The following RAP1GAP2 variants were observed in gnomAD, a reference collection of about 807,000 sequenced individuals.
The protein encoded by RAP1GAP2 is RAP1 GTPase activating protein 2.
In RAP1GAP2, 27 loss-of-function variants were observed where a neutral mutation model predicts 95.0. The ratio of observed to expected loss-of-function variants is 0.28; its 90% CI spans 0.21 to 0.39. The LOEUF is 0.39. Among genes scored for constraint, RAP1GAP2 ranks in the 10% least tolerant of loss-of-function variants. The pLI is 1.00. For synonymous variants in RAP1GAP2, 373 were observed against 380.9 expected (o/e 0.98, Z 0.24); for missense variants, 771 against 970.0 (o/e 0.79, Z 2.72).
chr17:2,879,725 CA>C (rs397955481), intron 2 of RAP1GAP2, among the ~76,000 whole-genome samples: 77 of 139,498 alleles, frequency 5.5e-4, no homozygotes, highest in East Asian at 4.4e-4. Context: ...GACTCCATCT[CA>C]AAAAAAAAAA....
At chr17:2,779,273 T>C (rs2068581202) in intron 1 of RAP1GAP2, among the ~76,000 whole-genome samples, 1 of 152,238 alleles carries the variant, frequency 6.6e-6, no homozygotes, top group Non-Finnish European at 1.5e-5. Context: ...GTTTTAAGTG[T>C]TAATAAGGCA....
intron 2 of RAP1GAP2, among the ~76,000 whole-genome samples, chr17:2,877,293 T>G (rs1816409359): frequency 6.6e-6 from 1 of 152,214 alleles, no homozygotes; most frequent in African/African-American, 2.4e-5. Context: ...ACCACGGTCT[T>G]TTGAGGCCAG....
Position 2,857,143 on chromosome 17 carries a change from CCTT to C in RAP1GAP2, c.81-48135_81-48133del, listed in dbSNP as rs1195053620. 1.3e-5 allele frequency among the ~76,000 whole-genome samples: 2 copies of C among 152,046 alleles called. No homozygotes were observed. The highest frequency in any genetic ancestry group is 2.4e-5 in the African/African-American group (1 of 41,444). On this transcript the variant is annotated intron_variant, in intron 2 of 24. Transcript: ENST00000254695. This position sits in a 1 kb window ranked among gnomAD's most constrained non-coding sequence, Gnocchi z 4.0. ...CACAAGGTGGGGTCAGGCTCAGGCC[CCTT>C]CTTCTCCTCCCAGAAGGCTTGATCC...
chr17:2,785,173 C>T (rs1015712417), intron 1 of RAP1GAP2, among the ~76,000 whole-genome samples: 3 of 152,276 alleles, frequency 2.0e-5, no homozygotes, highest in Non-Finnish European at 2.9e-5. Flanking sequence ...GGGGTTTGCA[C>T]GAGCCCAGCC....
intron 2 of RAP1GAP2, among the ~76,000 whole-genome samples, chr17:2,868,377 G>A (rs2072702821): frequency 6.6e-6 from 1 of 152,154 alleles, no homozygotes; most frequent in Admixed American, 6.6e-5. Flanking sequence ...AAAACCCAGG[G>A]GGATATATGA....
At chr17:2,889,656 G>C (rs950191225) in intron 2 of RAP1GAP2, among the ~76,000 whole-genome samples, 5 of 150,026 alleles carry the variant, frequency 3.3e-5, no homozygotes, top group African/African-American at 1.2e-4. Context: ...GGAGGAGGCA[G>C]GAGGTTTGAT....
intron 2 of RAP1GAP2, among the ~76,000 whole-genome samples, chr17:2,877,733 A>G (rs780753584): frequency 6.6e-6 from 1 of 152,228 alleles, no homozygotes; most frequent in Non-Finnish European, 1.5e-5. Flanking sequence ...CCTGGGTGAC[A>G]GAGAATTAAA....
intron 2 of RAP1GAP2, among the ~76,000 whole-genome samples, chr17:2,893,284 G>C (rs1472106012): frequency 6.6e-6 from 1 of 152,050 alleles, no homozygotes; most frequent in Non-Finnish European, 1.5e-5. Flanking sequence ...CAGGTGATCT[G>C]CCTGCCTCAG....
chr17:2,773,523 G>A (rs1310001471), upstream of RAP1GAP2, among the ~76,000 whole-genome samples: 1 of 152,048 alleles, frequency 6.6e-6, no homozygotes, highest in Non-Finnish European at 1.5e-5. Flanking sequence ...TATTCAGTGT[G>A]TTTAAAGGTG....
intron 12 of RAP1GAP2, among the ~76,000 whole-genome samples, chr17:2,993,215 C>T (rs2045830441): frequency 7.1e-6 from 1 of 140,736 alleles, no homozygotes. Context: ...GAGGGAGACT[C>T]TGTCAAAAAA....
chr17:2,989,896 C>T (rs1392244087), intron 11 of RAP1GAP2, among the ~76,000 whole-genome samples: 1 of 152,160 alleles, frequency 6.6e-6, no homozygotes, highest in African/African-American at 2.4e-5. Context: ...GCAGGCACTC[C>T]CCATCCCCCT....
At chr17:2,781,591 C>G (rs62067073) in intron 1 of RAP1GAP2, among the ~76,000 whole-genome samples, 5,447 of 104,352 alleles carry the variant, frequency 0.052, 102 homozygotes, top group Middle Eastern at 0.071. Context: ...TGTGTGGGCA[C>G]GTCTCTGTGT....
chr17:2,894,638 C>T (rs931414323), intron 2 of RAP1GAP2, among the ~76,000 whole-genome samples: 1 of 152,130 alleles, frequency 6.6e-6, no homozygotes, highest in Non-Finnish European at 1.5e-5. Context: ...ATCTGCCTCT[C>T]GCAAAGCGAC....
intron 2 of RAP1GAP2, among the ~76,000 whole-genome samples, chr17:2,900,597 A>G (rs1223800688): frequency 1.1e-4 from 16 of 151,856 alleles, no homozygotes. Context: ...ACCCGCCACC[A>G]CGCCTGGCTA....
rs185055807 is a variant in RAP1GAP2, at chr17:2,770,439, C to T, written c.161C>T (p.Pro54Leu). Residue 54 changes from proline to leucine, a missense_variant, in exon 2 of 26, where the codon CCC becomes CTC. Physicochemically the swap from Pro to Leu is moderately conservative, Grantham distance 98. Coordinates refer to the RAP1GAP2 transcript ENST00000637138. ...CTCAGCCGGGCTGACCTCGAGTCTCCCTCCAGGTAAAGGGGCCTTCTGCCT... is the reference window on the plus strand; with the variant it reads ...CTCAGCCGGGCTGACCTCGAGTCTCTCTCCAGGTAAAGGGGCCTTCTGCCT... 332 of 398,748 alleles carry T rather than the reference C, an allele frequency of 8.3e-4. 1 individual carries two copies. Among genetic ancestry groups the T allele is most frequent in the Middle Eastern group, 6.3e-4 (1 of 1,588 alleles). The allele number at this position is 398,748 out of a possible 1,614,324, so 24.7% of individuals were successfully genotyped here.
At chr17:2,848,038 TC>T (rs1387340084) in intron 2 of RAP1GAP2, among the ~76,000 whole-genome samples, 1 of 152,134 alleles carries the variant, frequency 6.6e-6, no homozygotes, top group African/African-American at 2.4e-5. Flanking sequence ...ATGAAGAACT[TC>T]TTTATTCCTC....
chr17:3,019,638 G>A (rs570149013), intron 18 of RAP1GAP2, among the ~76,000 whole-genome samples: 5 of 152,276 alleles, frequency 3.3e-5, no homozygotes, highest in South Asian at 2.1e-4. Flanking sequence ...AAATGGCCTC[G>A]CATAATTAAT....
rs149581541 is a variant in RAP1GAP2, at chr17:3,007,318, A to T, written c.1360-693A>T. Among the ~76,000 whole-genome samples, 232 of 152,322 alleles carry T rather than the reference A, an allele frequency of 1.5e-3. 1 individual carries two copies. Among genetic ancestry groups the T allele is most frequent in the African/African-American group, 5.4e-3 (223 of 41,550 alleles). On this transcript the variant is annotated intron_variant, in intron 16 of 24. Transcript: ENST00000254695. ...GAGGGATTGCTCTGACAGTGGTGTC[A>T]TTGAGAACGATGGTGACAAGGACAG...
rs569059847 is a variant in RAP1GAP2, at chr17:2,800,373, G to A, written c.45-142G>A. Reference sequence around the variant, plus strand: ...CAGAGGCGTCTCTCCCCCTGCTAGCGGAGAACTGGCCCCTTTAGCCAGTCC... The same window carrying A: ...CAGAGGCGTCTCTCCCCCTGCTAGCAGAGAACTGGCCCCTTTAGCCAGTCC... On this transcript the variant is annotated intron_variant, in intron 1 of 24. Transcript: ENST00000254695. 253 of 1,289,986 alleles carry A rather than the reference G, an allele frequency of 2.0e-4. 1 individual carries two copies. Among genetic ancestry groups the A allele is most frequent in the African/African-American group, 1.9e-3 (130 of 67,202 alleles). 79.9% of individuals were successfully genotyped at this position (1,289,986 alleles called of 1,614,324 possible).
Sources: gnomAD v4.1 joint callset for allele counts (sites outside exome capture counted in the v4.1 genomes callset) on GRCh38, gnomAD v4.1.1 for gene constraint, Gnocchi (gnomAD v3.1) non-coding constraint, MANE v1.5 for transcripts, NCBI Gene and HGNC (gene_info 2026-07-23, HGNC 2026-07-21) for gene names.